The following ANAPC11 variants were observed in gnomAD, a reference collection of about 807,000 sequenced individuals.
ANAPC11 encodes the protein anaphase promoting complex subunit 11.
ANAPC11 carries 5 observed loss-of-function variants against 11.8 expected under a neutral mutation model. That is an observed-to-expected ratio of 0.42 (90% CI 0.22 to 0.89). ANAPC11 has a LOEUF of 0.89. Ranked by LOEUF, ANAPC11 falls within the 40% of genes least tolerant of loss-of-function variation. The pLI, the probability that ANAPC11 is intolerant of heterozygous loss-of-function variation, is 0.28. For missense variants in ANAPC11, 68 were observed against 112.9 expected (o/e 0.60, Z 1.80); for synonymous variants, 45 against 41.0 (o/e 1.10, Z -0.38).
At chr17:81,895,696 G>A (rs1243924279) in intron 3 of ANAPC11, among the ~76,000 whole-genome samples, 1 of 152,086 alleles carries the variant, frequency 6.6e-6, no homozygotes, top group Non-Finnish European at 1.5e-5. Flanking sequence ...AAGGCAGGGT[G>A]TGGTGGCCCA....
chr17:81,899,350 C>T, intron 3 of ANAPC11: 1 of 1,613,830 alleles, frequency 6.2e-7, no homozygotes. Context: ...ACAGCTTCCC[C>T]AACGCCTGGG....
upstream of ANAPC11, chr17:81,891,482 G>A (rs1202082329): frequency 1.6e-6 from 2 of 1,214,164 alleles, no homozygotes; most frequent in South Asian, 1.8e-5. Context: ...CGCGGCCCCG[G>A]CCCCCGCCCC....
chr17:81,894,406 G>A (rs1438139643), intron 2 of ANAPC11, 61 bp from the exon 3 acceptor site: 8 of 980,384 alleles, frequency 8.2e-6, no homozygotes, highest in Non-Finnish European at 1.3e-5. Flanking sequence ...CTGTGTTGGT[G>A]CCTAAACGTT....
upstream of ANAPC11, chr17:81,891,515 C>G (rs777709104): frequency 2.9e-6 from 4 of 1,366,642 alleles, no homozygotes; most frequent in Non-Finnish European, 3.8e-6. Flanking sequence ...GGCTCCGGTT[C>G]AGTTTAATGA....
At position 81,894,300 on chromosome 17, in the gene ANAPC11, C is replaced by T. The variant is rs543743221; in HGVS notation, c.-11-167C>T. 7 of 403,404 alleles carry T rather than the reference C, an allele frequency of 1.7e-5. No homozygotes were observed. In the South Asian group the frequency reaches 3.3e-4, roughly 19 times the overall value. 25.0% of individuals were successfully genotyped at this position (403,404 alleles called of 1,614,324 possible). On this transcript the variant is annotated intron_variant, in intron 2 of 3. Coordinates refer to ENST00000344877, the MANE Select transcript of ANAPC11 (RefSeq NM_001002248.3). The stretch of plus-strand genomic sequence containing the variant: ...TAAAATAAAATAGAAACAGGGCTCA[C>T]GATGTTTCCCAGGCTGGGTTCGGAC...
chr17:81,899,658 G>T, intron 3 of ANAPC11: 1 of 1,263,206 alleles, frequency 7.9e-7, no homozygotes, highest in Non-Finnish European at 1.1e-6. Context: ...GATGAGCCTG[G>T]GTGAGGGGAG....
At chr17:81,891,011 T>C, upstream of ANAPC11, 4 of 845,258 alleles carry the variant, frequency 4.7e-6, no homozygotes, top group East Asian at 2.7e-5. Context: ...GCCGCACAAC[T>C]TCAGTTCCCT....
chr17:81,891,560 G>A (rs2143505135), upstream of ANAPC11: 3 of 1,438,456 alleles, frequency 2.1e-6, no homozygotes, highest in Non-Finnish European at 2.7e-6. Flanking sequence ...TGTCGGCCAT[G>A]GCGGGCGCGG....
chr17:81,891,604 C>T (rs1003518315), upstream of ANAPC11: 2 of 1,390,376 alleles, frequency 1.4e-6, no homozygotes, highest in Non-Finnish European at 1.9e-6. Context: ...CGCGTCAGCA[C>T]GCCGGCACGT....
At chr17:81,899,279 C>T (rs1277754863) in intron 3 of ANAPC11, 1 of 1,612,638 alleles carries the variant, frequency 6.2e-7, no homozygotes, top group Non-Finnish European at 8.5e-7. Context: ...GGTGTTTGGG[C>T]TGGTGCCCGC....
At chr17:81,899,799 A>G (rs1468682856) in intron 3 of ANAPC11, 121 bp from the exon 4 acceptor site, 1 of 1,094,482 alleles carries the variant, frequency 9.1e-7, no homozygotes, top group African/African-American at 1.6e-5. Context: ...TCTCTGAAAC[A>G]TGAGAGGCTG....
intron 3 of ANAPC11, chr17:81,897,988 AATT>A (rs1334213717): frequency 6.6e-6 from 1 of 152,222 alleles, no homozygotes; most frequent in African/African-American, 2.4e-5. Context: ...ATCACTCAGG[AATT>A]AATCCTCATT....
upstream of ANAPC11, chr17:81,891,194 C>T: frequency 1.4e-6 from 1 of 703,426 alleles, no homozygotes; most frequent in East Asian, 8.1e-5. Context: ...CACGCACCCT[C>T]CGGACCTCCG....
chr17:81,900,234 T>G lies in ANAPC11; in HGVS notation c.*169T>G. 1.9e-6 allele frequency: 2 copies of G among 1,075,668 alleles called. No homozygotes were observed. The highest frequency in any genetic ancestry group is 1.5e-5 in the South Asian group (1 of 64,978). 66.6% of individuals were successfully genotyped at this position (1,075,668 alleles called of 1,614,324 possible). A position where few individuals can be genotyped will look rare whatever the true frequency, so the allele number is the denominator to read the frequency against. ...ACACTTTTATCCAATAAGTGAAAACTCATTAAACTACTCAAATCTTGCTGG... is the reference window on the plus strand; with the variant it reads ...ACACTTTTATCCAATAAGTGAAAACGCATTAAACTACTCAAATCTTGCTGG... On this transcript the variant is annotated 3_prime_UTR_variant, in exon 4 of 4. Coordinates refer to ENST00000344877, the MANE Select transcript of ANAPC11 (RefSeq NM_001002248.3).
chr17:81,899,270 G>C (rs2039852401), intron 3 of ANAPC11: 3 of 1,612,260 alleles, frequency 1.9e-6, no homozygotes, highest in Admixed American at 3.3e-5. Context: ...GCATTTCTAG[G>C]TGTTTGGGCT....
At chr17:81,891,976 G>C (rs2039549505) in intron 1 of ANAPC11, 135 bp downstream of exon 1, 1 of 160,590 alleles carries the variant, frequency 6.2e-6, no homozygotes, top group Admixed American at 6.5e-5. Flanking sequence ...GGGGCGCTAC[G>C]GGCGCGGCGG....
In ANAPC11 at chr17:81,897,131, G is replaced by A. The variant is rs975862553; in HGVS notation, c.109+2545G>A. 2.6e-4 allele frequency among the ~76,000 whole-genome samples: 39 copies of A among 152,196 alleles called. 1 individual carries two copies. Among genetic ancestry groups the A allele is most frequent in the Admixed American group, 2.6e-3 (39 of 15,284 alleles). ...TTCTCCTGCCTCAGCTTTCCGAATA[G>A]CTGGGACTACAGGCGCTCGCCGCCA... On this transcript the variant is annotated intron_variant, in intron 3 of 3. Coordinates refer to ENST00000344877, the MANE Select transcript of ANAPC11 (RefSeq NM_001002248.3).
intron 3 of ANAPC11, among the ~76,000 whole-genome samples, chr17:81,897,969 A>G (rs1164269925): frequency 1.3e-5 from 2 of 152,242 alleles, no homozygotes. Flanking sequence ...CTAGCTAAAT[A>G]GAAATCTCAT....
chr17:81,892,506 C>G (rs548194949), intron 1 of ANAPC11, among the ~76,000 whole-genome samples: 1 of 150,752 alleles, frequency 6.6e-6, no homozygotes, highest in Non-Finnish European at 1.5e-5. Context: ...TAATGAAAAC[C>G]AGTGTGCCAT....
Sources: gnomAD v4.1 joint callset for allele counts (sites outside exome capture counted in the v4.1 genomes callset) on GRCh38, gnomAD v4.1.1 for gene constraint, MANE v1.5 for transcripts, NCBI Gene and HGNC (gene_info 2026-07-23, HGNC 2026-07-21) for gene names.